Variants in F8 observed in about 807,000 individuals in gnomAD.
F8 encodes the protein coagulation factor VIII, also known as antihemophilic factor.
A neutral mutation model predicts 140.6 loss-of-function variants in F8; 12 were observed. That is an observed-to-expected ratio of 0.09 (90% confidence interval 0.05 to 0.14). The LOEUF is 0.14. Ranked by LOEUF, F8 falls within the 10% of genes least tolerant of loss-of-function variation. F8 has a pLI of 1.00. For synonymous variants in F8, 585 were observed against 614.6 expected, an observed-to-expected ratio of 0.95 and a Z score of 0.71; for missense variants, 1,354 against 1,720.7, an observed-to-expected ratio of 0.79 and a Z score of 3.77.
At chrX:155,003,526 A>G (rs1313027190) in intron 1 of F8, among the ~76,000 whole-genome samples, 2 of 111,762 alleles carry the variant, frequency 1.8e-5, no homozygotes, top group African/African-American at 6.5e-5. Context: ...TAACATACAC[A>G]TAATGGAAAT....
chrX:154,921,394 G>A (rs1042262293), intron 14 of F8, among the ~76,000 whole-genome samples: 9 of 111,866 alleles, frequency 8.0e-5, no homozygotes, highest in Non-Finnish European at 1.7e-4. Flanking sequence ...TGCTGGAGAG[G>A]ATGTGGAGAA....
chrX:154,877,204 T>C (rs2072823435), intron 22 of F8, among the ~76,000 whole-genome samples: 1 of 112,187 alleles, frequency 8.9e-6, no homozygotes, highest in East Asian at 2.8e-4. Context: ...GACTGTGTTA[T>C]GTTGCATGGC....
intron 6 of F8, among the ~76,000 whole-genome samples, chrX:154,978,199 T>C (rs782642294): frequency 9.0e-6 from 1 of 111,027 alleles, no homozygotes; most frequent in Admixed American, 9.6e-5. Context: ...AGAATTCTCT[T>C]GTATCTCACT....
rs2072724589 is a variant in F8, at chrX:154,865,454, A to G, written c.6430-2227T>C. ...AACACTATAATGATTGTTATAAATC[A>G]CTATTAATATTAATTTATAAATTAA... On this transcript the variant is annotated intron_variant, in intron 22 of 25. Transcript: ENST00000360256. Among the ~76,000 whole-genome samples the G allele has an allele frequency of 3.6e-5, 4 of 111,732 alleles. No individual in the cohort carries two copies. The South Asian group carries it at 1.5e-3, about 41-fold the overall frequency.
chrX:154,985,461 A>C (rs183920940), intron 5 of F8, among the ~76,000 whole-genome samples: 17 of 111,444 alleles, frequency 1.5e-4, no homozygotes, highest in Admixed American at 1.5e-3. Context: ...GAAAAAAGAA[A>C]ATTGTCCTAG....
chrX:154,905,438 T>C (rs782171467), intron 15 of F8, among the ~76,000 whole-genome samples: 2 of 111,999 alleles, frequency 1.8e-5, no homozygotes, highest in Non-Finnish European at 3.8e-5. Context: ...ATATTTATCA[T>C]AGAATATAAT....
intron 4 of F8, among the ~76,000 whole-genome samples, chrX:154,989,286 G>A (rs2073575010): frequency 9.0e-6 from 1 of 111,166 alleles, no homozygotes; most frequent in Non-Finnish European, 1.9e-5. Flanking sequence ...TTGGTGTATA[G>A]GTCTATAACT....
chrX:154,899,963 T>C lies in F8; in HGVS notation c.6188-12A>G, dbSNP rs376228821. 1 of 1,197,277 alleles carries C rather than the reference T, an allele frequency of 8.4e-7. No homozygotes were observed. Among genetic ancestry groups the C allele is most frequent in the African/African-American group, 1.8e-5 (1 of 56,835 alleles). The stretch of plus-strand genomic sequence containing the variant: ...TGGGGCCCACTGTCCTTTGCCCAAG[T>C]AAAGAAACAGAGATTAAATTCAGCT... On this transcript the variant is annotated splice_polypyrimidine_tract_variant and intron_variant, in intron 20 of 25. Transcript: ENST00000360256.
intron 22 of F8, among the ~76,000 whole-genome samples, chrX:154,863,779 C>T (rs782056669): frequency 5.4e-5 from 6 of 111,543 alleles, no homozygotes; most frequent in South Asian, 7.6e-4. Context: ...CACATTCTAG[C>T]GGCAGGCCTG....
intron 9 of F8, chrX:154,965,657 A>T: frequency 4.0e-6 from 1 of 250,578 alleles, no homozygotes. Context: ...GCAGGCCACA[A>T]GCCAAATTTG....
chrX:154,914,320 T>C (rs1042433364), intron 14 of F8, among the ~76,000 whole-genome samples: 7 of 112,940 alleles, frequency 6.2e-5, no homozygotes, highest in African/African-American at 2.2e-4. Flanking sequence ...TAACATGCCC[T>C]GGACACATTT....
chrX:154,956,822 C>A lies in F8; in HGVS notation c.1752+135G>T, dbSNP rs782630396. The A allele has an allele frequency of 2.0e-5, 12 of 609,495 alleles. No individual in the cohort carries two copies. In the South Asian group the frequency reaches 2.7e-4, roughly 14 times the overall value. 50.2% of individuals were successfully genotyped at this position (609,495 alleles called of 1,213,427 possible). On this transcript the variant is annotated intron_variant, in intron 11 of 25. Transcript: ENST00000360256. Reference sequence around the variant, plus strand: ...ATCCATCCAGCAGGCACGTTTACTACGTGAAACTCAAATTTAGTAAAAGCT... The same window carrying A: ...ATCCATCCAGCAGGCACGTTTACTAAGTGAAACTCAAATTTAGTAAAAGCT...
intron 6 of F8, among the ~76,000 whole-genome samples, chrX:154,982,800 A>T (rs1355925443): frequency 8.9e-6 from 1 of 112,046 alleles, no homozygotes; most frequent in Non-Finnish European, 1.9e-5. Context: ...ATAAACTTTG[A>T]AGGATACTTG....
At chrX:154,941,366 C>G (rs1352392405) in intron 13 of F8, among the ~76,000 whole-genome samples, 1 of 111,366 alleles carries the variant, frequency 9.0e-6, no homozygotes, top group African/African-American at 3.3e-5. Flanking sequence ...GGTTGCAATC[C>G]TAGTCTCTGA....
Position 154,934,351 on chromosome X carries a change from A to G in F8, c.2114-2675T>C, listed in dbSNP as rs186209263. On this transcript the variant is annotated intron_variant, in intron 13 of 25. Coordinates refer to ENST00000360256, the MANE Select transcript of F8 (RefSeq NM_000132.4). ...TTATTCCTCCTACTTCAGCCTCCCA[A>G]AGTGCTGGGATTACAGGCATGAACC... Among the ~76,000 whole-genome samples the G allele has an allele frequency of 2.7e-5, 3 of 111,398 alleles. No homozygotes were observed. In the East Asian group the frequency reaches 8.4e-4, roughly 31 times the overall value.
rs1048798146 is a variant in F8 at position 154,974,228 on chromosome X, G to C, written c.788-4676C>G. 7.2e-5 allele frequency among the ~76,000 whole-genome samples: 8 copies of C among 111,740 alleles called. No individual in the cohort carries two copies. The South Asian group carries it at 1.1e-3, about 16-fold the overall frequency. On this transcript the variant is annotated intron_variant, in intron 6 of 25. Coordinates refer to ENST00000360256, the MANE Select transcript of F8 (RefSeq NM_000132.4). ...AGAAGTGGTGAGGGTGGATATGCTT[G>C]TCTTATTCCAGTTCTTAAAGGAAAA... is the stretch of plus-strand genomic sequence containing the variant.
At chrX:154,956,518 GTTC>G (rs1472238953) in intron 11 of F8, among the ~76,000 whole-genome samples, 1 of 112,075 alleles carries the variant, frequency 8.9e-6, no homozygotes, top group African/African-American at 3.2e-5. Context: ...CACAATTTAT[GTTC>G]TTCTGCCGTG....
rs1446470402 is a variant in F8 at position 154,989,620 on chromosome X, A to T, written c.602-2315T>A. Among the ~76,000 whole-genome samples the T allele has an allele frequency of 4.4e-5, 5 of 112,401 alleles. No homozygotes were observed. In the South Asian group the frequency reaches 1.5e-3, roughly 33 times the overall value. On this transcript the variant is annotated intron_variant, in intron 4 of 25. Transcript: ENST00000360256. Reference sequence around the variant, plus strand: ...TCCCTAATGGTTAATGATGTTGAACATCTTTTCATATGTTTGTCCATATAA... The same window carrying T: ...TCCCTAATGGTTAATGATGTTGAACTTCTTTTCATATGTTTGTCCATATAA...
intron 22 of F8, among the ~76,000 whole-genome samples, chrX:154,867,670 G>A (rs28762440): frequency 0.013 from 1,063 of 83,762 alleles, 21 homozygotes; most frequent in African/African-American, 0.045. Flanking sequence ...CAGCCTGGGT[G>A]ACAGAGCAAG....
Sources: allele counts gnomAD v4.1 joint callset (sites outside exome capture counted in the v4.1 genomes callset), GRCh38; gene constraint gnomAD v4.1.1; transcripts MANE v1.5; gene names NCBI Gene and HGNC (gene_info 2026-07-23, HGNC 2026-07-21).